Variants in RASAL2 observed in about 807,000 individuals in gnomAD.
RASAL2 encodes the protein RAS protein activator like 2, also known as ras GTPase-activating protein nGAP.
Under a neutral mutation model 128.9 loss-of-function variants are expected in RASAL2, and 58 were observed. The observed-to-expected ratio is 0.45, with a 90% CI of 0.36 to 0.56. The LOEUF is 0.56. Ranked by LOEUF, RASAL2 falls within the 20% of genes least tolerant of loss-of-function variation. The pLI is 0.00. For synonymous variants in RASAL2, 561 were observed against 580.8 expected (o/e 0.97, Z 0.49); for missense variants, 1,360 against 1,601.6 (o/e 0.85, Z 2.57).
At chr1:178,273,950 C>T (rs576920703) in intron 1 of RASAL2, among the ~76,000 whole-genome samples, 43 of 152,160 alleles carry the variant, frequency 2.8e-4, no homozygotes, top group Non-Finnish European at 5.6e-4. Context: ...TAGTGAGTGA[C>T]GGATAACATT....
intron 1 of RASAL2, among the ~76,000 whole-genome samples, chr1:178,261,698 C>T (rs914614644): frequency 2.0e-5 from 3 of 151,916 alleles, no homozygotes; most frequent in Non-Finnish European, 2.9e-5. Context: ...TGGTGGATCA[C>T]GAGATCAGGA....
chr1:178,138,802 G>A (rs959580561), intron 1 of RASAL2, among the ~76,000 whole-genome samples: 1 of 151,974 alleles, frequency 6.6e-6, no homozygotes, highest in African/African-American at 2.4e-5. Context: ...TACCTCGAAG[G>A]ACTTTTGTGA....
In RASAL2 at chr1:178,390,109, C is replaced by T. The variant is rs774890628; in HGVS notation, c.467C>T (p.Ala156Val). The change falls in exon 4 of 18, where the codon GCA (alanine) becomes GTA (valine). Residue 156 changes from alanine (A) to valine (V), a missense_variant. Physicochemically the swap from Ala to Val is moderately conservative, Grantham distance 64 (BLOSUM62 0). Transcript: ENST00000367649. ...TCCTCCTTTTTTCCAGAGGTACCAGCAGAAAGGTCCCCTCGTAGACGGAGT... is the reference window on the plus strand; with the variant it reads ...TCCTCCTTTTTTCCAGAGGTACCAGTAGAAAGGTCCCCTCGTAGACGGAGT... ...PEGATKLEVP[A>V]ERSPRRRSIS... The T allele has an allele frequency of 2.3e-5, 37 of 1,602,338 alleles. No individual in the cohort carries two copies. In the Admixed American group the frequency reaches 6.3e-4, roughly 27 times the overall value.
At chr1:178,291,067 A>G (rs146460406) in intron 2 of RASAL2, among the ~76,000 whole-genome samples, 204 of 152,304 alleles carry the variant, frequency 1.3e-3, no homozygotes, top group African/African-American at 4.7e-3. Context: ...ATGCCAAAAA[A>G]GTGTTTTACA....
chr1:178,157,732 C>A (rs575220695), intron 1 of RASAL2, among the ~76,000 whole-genome samples: 2 of 152,018 alleles, frequency 1.3e-5, no homozygotes, highest in African/African-American at 4.8e-5. Flanking sequence ...TTTAGACTTG[C>A]GTACATTCAC....
intron 1 of RASAL2, among the ~76,000 whole-genome samples, chr1:178,163,534 A>G (rs990032964): frequency 1.3e-5 from 2 of 151,964 alleles, no homozygotes; most frequent in Non-Finnish European, 2.9e-5. Flanking sequence ...TATCCTGTTA[A>G]CCCAACATCA....
chr1:178,291,507 T>G (rs1667278864), intron 2 of RASAL2, among the ~76,000 whole-genome samples: 1 of 151,886 alleles, frequency 6.6e-6, no homozygotes, highest in Admixed American at 6.6e-5. Context: ...ACAAAACAGT[T>G]TACAAAAACA....
chr1:178,281,445 G>A (rs1666779598), intron 1 of RASAL2, among the ~76,000 whole-genome samples: 2 of 152,134 alleles, frequency 1.3e-5, no homozygotes, highest in South Asian at 4.1e-4. Flanking sequence ...AATTTATTAG[G>A]ATCTCACAGA....
At chr1:178,259,806 C>T (rs775324363) in intron 1 of RASAL2, among the ~76,000 whole-genome samples, 13 of 152,128 alleles carry the variant, frequency 8.5e-5, no homozygotes, top group Non-Finnish European at 1.5e-4. Flanking sequence ...CCAAGTCATC[C>T]TCCCTCCTTG....
intron 9 of RASAL2, 150 bp downstream of exon 9, chr1:178,445,812 C>A: frequency 1.3e-6 from 1 of 750,550 alleles, no homozygotes; most frequent in Non-Finnish European, 2.1e-6. Context: ...TGTAAGAAGT[C>A]TGCAGTACTC....
At chr1:178,165,807 G>A (rs1661499094) in intron 1 of RASAL2, among the ~76,000 whole-genome samples, 1 of 152,146 alleles carries the variant, frequency 6.6e-6, no homozygotes, top group African/African-American at 2.4e-5. Context: ...AGATAAAGAA[G>A]CTGAGGTCCA....
At chr1:178,164,607 TG>T (rs1324919465) in intron 1 of RASAL2, among the ~76,000 whole-genome samples, 2 of 151,788 alleles carry the variant, frequency 1.3e-5, no homozygotes, top group Admixed American at 6.6e-5. Context: ...CATTTTCTTC[TG>T]TGCATACAGG....
intron 3 of RASAL2, among the ~76,000 whole-genome samples, chr1:178,327,859 G>A (rs979444897): frequency 6.6e-6 from 1 of 152,058 alleles, no homozygotes; most frequent in Non-Finnish European, 1.5e-5. Context: ...CCTCATAAGA[G>A]ACAGAAAAAG....
rs11809673 is a variant in RASAL2 at position 178,208,286 on chromosome 1, C to T, written c.203-75278C>T. On this transcript the variant is annotated intron_variant, in intron 1 of 17. Transcript: ENST00000367649. ...TGCAGAGAGCCTATAAATGGATGTG[C>T]GAGTAGGAGAGACATCGCTAAATTC... Among the ~76,000 whole-genome samples the T allele has an allele frequency of 5.6e-3, 848 of 152,082 alleles. 11 individuals carry two copies. Among genetic ancestry groups the T allele is most frequent in the African/African-American group, 0.019 (793 of 41,478 alleles).
At position 178,403,453 on chromosome 1, in the gene RASAL2, A is replaced by G. The variant is rs543397276; in HGVS notation, c.564+13247A>G. ...TCAGGAGTTAAGATTCATAGGGAAT[A>G]TAAAATAGGAACAGAATTAATTATA... On this transcript the variant is annotated intron_variant, in intron 4 of 17. Transcript: ENST00000367649. 7.0e-4 allele frequency among the ~76,000 whole-genome samples: 107 copies of G among 152,222 alleles called. 1 individual carries two copies. The highest frequency in any genetic ancestry group is 1.4e-3 in the Non-Finnish European group (94 of 68,036).
At chr1:178,235,193 G>A (rs1045731549) in intron 1 of RASAL2, among the ~76,000 whole-genome samples, 8 of 152,288 alleles carry the variant, frequency 5.3e-5, no homozygotes, top group Middle Eastern at 3.4e-3. Flanking sequence ...GTAAAAGAAT[G>A]TCAAAGGAAA....
chr1:178,390,056 T>G (rs757155612), intron 3 of RASAL2, 44 bp from the exon 4 acceptor site: 2 of 1,308,974 alleles, frequency 1.5e-6, no homozygotes, highest in Non-Finnish European at 2.2e-6. Context: ...AGATCCTAAA[T>G]TTGGGGTTCT....
chr1:178,197,611 G>GGA (rs756385055), intron 1 of RASAL2, among the ~76,000 whole-genome samples: 12 of 94,252 alleles, frequency 1.3e-4, no homozygotes, highest in Admixed American at 5.8e-4. Flanking sequence ...TCCATCTGGG[G>GGA]AAAAAAAAAA....
intron 1 of RASAL2, among the ~76,000 whole-genome samples, chr1:178,165,040 GA>G (rs1661473760): frequency 6.6e-6 from 1 of 151,988 alleles, no homozygotes; most frequent in Non-Finnish European, 1.5e-5. Flanking sequence ...ATCTAGAGAT[GA>G]CTTAAAGTAT....
Sources: gnomAD v4.1 joint callset for allele counts (sites outside exome capture counted in the v4.1 genomes callset) on GRCh38, gnomAD v4.1.1 for gene constraint, MANE v1.5 for transcripts, NCBI Gene and HGNC (gene_info 2026-07-23, HGNC 2026-07-21) for gene names.